TBC1D19: variants seen among roughly 807,000 people sequenced by gnomAD.
TBC1D19 encodes TBC1 domain family, member 19.
TBC1D19 carries 60 observed loss-of-function variants against 89.0 expected under a neutral mutation model. The observed-to-expected ratio is 0.67, with a 90% CI of 0.55 to 0.84. TBC1D19 has a LOEUF of 0.84. Among genes scored for constraint, TBC1D19 ranks in the 40% least tolerant of loss-of-function variants. TBC1D19 has a pLI of 0.00. For missense variants in TBC1D19, 500 were observed against 610.8 expected (o/e 0.82, Z 1.91); for synonymous variants, 189 against 199.7 (o/e 0.95, Z 0.45).
intron 18 of TBC1D19, 112 bp from the exon 19 acceptor site, chr4:26,748,299 C>T: frequency 1.4e-6 from 1 of 710,702 alleles, no homozygotes; most frequent in Non-Finnish European, 2.4e-6. Flanking sequence ...GTTTTAAATG[C>T]CCAGGTGATT....
At chr4:26,749,455 T>G (rs1217463013) in intron 19 of TBC1D19, among the ~76,000 whole-genome samples, 1 of 151,038 alleles carries the variant, frequency 6.6e-6, no homozygotes, top group Non-Finnish European at 1.5e-5. Context: ...GTTGTTTTTT[T>G]TTTTTTTTTT....
At chr4:26,580,378 A>G (rs1025871736), upstream of TBC1D19, among the ~76,000 whole-genome samples, 10 of 152,170 alleles carry the variant, frequency 6.6e-5, no homozygotes, top group Admixed American at 3.9e-4. Context: ...AGGGCATCAG[A>G]CATCCCGAGG....
the TBC1D19 span, among the ~76,000 whole-genome samples, chr4:26,824,210 C>T: frequency 5.9e-5 from 9 of 152,200 alleles, no homozygotes; most frequent in Non-Finnish European, 1.0e-4. Flanking sequence ...AGAACAAAGA[C>T]GAGAGATAAA....
chr4:26,651,391 T>C (rs1221022512), intron 7 of TBC1D19, among the ~76,000 whole-genome samples: 3 of 152,170 alleles, frequency 2.0e-5, no homozygotes, highest in Admixed American at 6.6e-5. Context: ...TTTTATTTCA[T>C]TGAGCAGTGG....
intron 11 of TBC1D19, among the ~76,000 whole-genome samples, chr4:26,681,797 A>G (rs968483784): frequency 2.6e-5 from 4 of 152,216 alleles, no homozygotes; most frequent in Middle Eastern, 3.2e-3. Flanking sequence ...GTTTAACAAG[A>G]AGGAAAACCA....
chr4:26,685,859 G>GT (rs1713767291), intron 12 of TBC1D19, among the ~76,000 whole-genome samples: 2 of 152,250 alleles, frequency 1.3e-5, no homozygotes, highest in African/African-American at 4.8e-5. Flanking sequence ...AAACTCACAC[G>GT]TGAAAAAGCT....
At chr4:26,728,108 T>C (rs919042606) in intron 15 of TBC1D19, among the ~76,000 whole-genome samples, 3 of 152,238 alleles carry the variant, frequency 2.0e-5, no homozygotes, top group African/African-American at 7.2e-5. Context: ...TTGTCCTGAC[T>C]AGGGTATTCT....
At chr4:26,794,406 G>A in the TBC1D19 span, among the ~76,000 whole-genome samples, 3 of 151,972 alleles carry the variant, frequency 2.0e-5, no homozygotes, top group African/African-American at 7.2e-5. Flanking sequence ...AAGATAAATA[G>A]ATTAAATGAA....
intron 1 of TBC1D19, among the ~76,000 whole-genome samples, chr4:26,594,853 G>C (rs1402171964): frequency 6.6e-6 from 1 of 152,210 alleles, no homozygotes; most frequent in Non-Finnish European, 1.5e-5. Context: ...CCTGGCGAAA[G>C]AGTGAGACTC....
chr4:26,710,738 G>A lies in TBC1D19; in HGVS notation c.955-7195G>A, dbSNP rs543283655. Among the ~76,000 whole-genome samples, 3 of 152,242 alleles carry A rather than the reference G, an allele frequency of 2.0e-5. No individual in the cohort carries two copies. The South Asian group carries it at 6.2e-4, about 32-fold the overall frequency. On this transcript the variant is annotated intron_variant, in intron 13 of 20. Coordinates refer to ENST00000264866, the MANE Select transcript of TBC1D19 (RefSeq NM_018317.4). Reference sequence around the variant, plus strand: ...ATCCTCATTCTAACTGGTGTGAGATGGTATCTCATTGTGGTTTTGATTTGC... The same window carrying A: ...ATCCTCATTCTAACTGGTGTGAGATAGTATCTCATTGTGGTTTTGATTTGC...
At chr4:26,614,366 A>C in intron 2 of TBC1D19, 42 bp from the exon 3 acceptor site, 1 of 1,328,866 alleles carries the variant, frequency 7.5e-7, no homozygotes, top group Non-Finnish European at 1.0e-6. Context: ...TTTACTTAAA[A>C]ACTAGTATGT....
chr4:26,804,807 G>A, the TBC1D19 span, among the ~76,000 whole-genome samples: 275 of 152,338 alleles, frequency 1.8e-3, 1 homozygote, highest in Non-Finnish European at 2.9e-3. Flanking sequence ...CAGTCCAGAA[G>A]GCAAGATTTA....
intron 7 of TBC1D19, among the ~76,000 whole-genome samples, chr4:26,648,746 T>A (rs1342904304): frequency 6.6e-6 from 1 of 152,164 alleles, no homozygotes; most frequent in Non-Finnish European, 1.5e-5. Context: ...GATGATGGCT[T>A]TATTTCTCTT....
rs538422994 is a variant in TBC1D19 at position 26,745,337 on chromosome 4, C to T, written c.1319+2738C>T. Among the ~76,000 whole-genome samples the T allele has an allele frequency of 5.9e-5, 9 of 151,692 alleles. No homozygotes were observed. The South Asian group carries it at 1.9e-3, about 31-fold the overall frequency. On this transcript the variant is annotated intron_variant, in intron 18 of 20. Coordinates refer to ENST00000264866, the MANE Select transcript of TBC1D19 (RefSeq NM_018317.4). ...TATTGAATTGGAATCAACTATATTA[C>T]TAAATTTTTTTAGTTATTCCATGTT...
chr4:26,676,119 T>C (rs7660813), intron 11 of TBC1D19, among the ~76,000 whole-genome samples: 7,312 of 152,284 alleles, frequency 0.048, 598 homozygotes, highest in African/African-American at 0.17. Context: ...TAGCCAAGAC[T>C]AATATTAACA....
chr4:26,707,053 G>A (rs1378931961), intron 13 of TBC1D19, among the ~76,000 whole-genome samples: 1 of 151,984 alleles, frequency 6.6e-6, no homozygotes, highest in African/African-American at 2.4e-5. Context: ...GGTTTATCAT[G>A]TAAATACTCT....
At chr4:26,619,391 G>C (rs1443964846) in intron 3 of TBC1D19, among the ~76,000 whole-genome samples, 1 of 151,958 alleles carries the variant, frequency 6.6e-6, no homozygotes, top group African/African-American at 2.4e-5. Flanking sequence ...ATTTTTAGTA[G>C]AGACGGGGTT....
intron 1 of TBC1D19, among the ~76,000 whole-genome samples, chr4:26,593,419 A>G (rs997904502): frequency 6.6e-6 from 1 of 152,252 alleles, no homozygotes; most frequent in Non-Finnish European, 1.5e-5. Context: ...CATTCAGGAC[A>G]TAGGCATGGG....
intron 8 of TBC1D19, chr4:26,663,074 G>A (rs1745314460): frequency 6.6e-6 from 1 of 152,122 alleles, no homozygotes; most frequent in African/African-American, 2.4e-5. Flanking sequence ...ATGCCTGCAA[G>A]AAAAACACCA....
Sources: gnomAD v4.1 joint callset for allele counts (sites outside exome capture counted in the v4.1 genomes callset) on GRCh38, gnomAD v4.1.1 for gene constraint, MANE v1.5 for transcripts, NCBI Gene and HGNC (gene_info 2026-07-23, HGNC 2026-07-21) for gene names.